ERBIN: variants seen among roughly 807,000 people sequenced by gnomAD.
ERBIN encodes erbb2 interacting protein, also known as densin-180-like protein.
A neutral mutation model predicts 158.4 loss-of-function variants in ERBIN; 60 were observed. That is an observed-to-expected ratio of 0.38 (90% CI 0.31 to 0.47). The LOEUF (loss-of-function observed/expected upper bound fraction) is 0.47, where lower values mean the gene tolerates loss of function less well. ERBIN is among the 20% of genes least tolerant of loss of function. ERBIN has a pLI of 0.99. For synonymous variants in ERBIN, 594 were observed against 557.2 expected (o/e 1.07, Z -0.93); for missense variants, 1,610 against 1,648.0 (o/e 0.98, Z 0.40).
chr5:65,986,678 G>A (rs1018346578), intron 1 of ERBIN, among the ~76,000 whole-genome samples: 1 of 152,228 alleles, frequency 6.6e-6, no homozygotes, highest in African/African-American at 2.4e-5. Flanking sequence ...ACTTTGGAAT[G>A]TGTTGGCTGC....
intron 21 of ERBIN, among the ~76,000 whole-genome samples, chr5:66,063,106 G>C (rs965202813): frequency 1.3e-5 from 2 of 152,210 alleles, no homozygotes; most frequent in Non-Finnish European, 2.9e-5. Context: ...GGTTATTGCT[G>C]TCTTTTGTTT....
chr5:66,002,769 T>G (rs1753134242), intron 4 of ERBIN, among the ~76,000 whole-genome samples: 1 of 152,240 alleles, frequency 6.6e-6, no homozygotes, highest in African/African-American at 2.4e-5. Context: ...TTAAATTGAT[T>G]AAGAGGATAT....
intron 21 of ERBIN, among the ~76,000 whole-genome samples, chr5:66,065,066 A>T (rs934491074): frequency 3.3e-5 from 5 of 152,182 alleles, no homozygotes; most frequent in African/African-American, 9.7e-5. Context: ...GTGGTATAGT[A>T]TAAAAGTTTG....
Position 66,046,335 on chromosome 5 carries a change from A to G in ERBIN, c.1603-18A>G. 1 of 1,405,524 alleles carries G rather than the reference A, an allele frequency of 7.1e-7. No homozygotes were observed. Among genetic ancestry groups the G allele is most frequent in the Admixed American group, 2.2e-5 (1 of 44,732 alleles). 87.1% of individuals were successfully genotyped at this position (1,405,524 alleles called of 1,614,324 possible). On this transcript the variant is annotated intron_variant, in intron 17 of 25. Coordinates refer to ENST00000284037, the MANE Select transcript of ERBIN (RefSeq NM_001253697.2). ...AAAACTTAAAGAATATGAGCTCTTT[A>G]TCTTTTCTTTTACTTAGACCTCAGA... is the stretch of plus-strand genomic sequence containing the variant.
At chr5:65,963,035 A>T (rs1748089619) in intron 1 of ERBIN, among the ~76,000 whole-genome samples, 1 of 152,168 alleles carries the variant, frequency 6.6e-6, no homozygotes, top group Non-Finnish European at 1.5e-5. Context: ...CATTTGTCTC[A>T]TTTGAGTATC....
Position 66,063,061 on chromosome 5 carries a change from CA to C in ERBIN, c.3633+8114del, listed in dbSNP as rs775933868. Reference sequence around the variant, plus strand: ...GTGCTGGGAGAACCACTACTCTCTTCAAAACTGTCAGACAGGGACATTTAAG... The same window carrying C: ...GTGCTGGGAGAACCACTACTCTCTTCAAACTGTCAGACAGGGACATTTAAG... On this transcript the variant is annotated intron_variant, in intron 21 of 25. Transcript: ENST00000284037. 5.3e-5 allele frequency among the ~76,000 whole-genome samples: 8 copies of C among 152,352 alleles called. No individual in the cohort carries two copies. The East Asian group carries it at 1.4e-3, about 26-fold the overall frequency.
At position 65,992,586 on chromosome 5, in the gene ERBIN, G is replaced by T. The variant is rs564140666; in HGVS notation, c.-9-124G>T. On this transcript the variant is annotated intron_variant, in intron 2 of 25. Coordinates refer to ENST00000284037, the MANE Select transcript of ERBIN (RefSeq NM_001253697.2). ...AGCAATGTTAAATGGGTTCCATTGTGCTTGTATAGTGGCAGGAGAAGTGTT... is the reference window on the plus strand; with the variant it reads ...AGCAATGTTAAATGGGTTCCATTGTTCTTGTATAGTGGCAGGAGAAGTGTT... 80 of 654,508 alleles carry T rather than the reference G, an allele frequency of 1.2e-4. No individual in the cohort carries two copies. In the East Asian group the frequency reaches 2.2e-3, roughly 18 times the overall value. The allele number at this position is 654,508 out of a possible 1,614,324, so 40.5% of individuals were successfully genotyped here.
In ERBIN at chr5:66,072,269, T is replaced by G; in HGVS notation, c.3734T>G (p.Val1245Gly). 1 of 1,550,378 alleles carries G rather than the reference T, an allele frequency of 6.5e-7. No individual in the cohort carries two copies. Among genetic ancestry groups the G allele is most frequent in the African/African-American group, 1.4e-5 (1 of 73,166 alleles). Residue 1245 changes from valine to glycine, a missense_variant, in exon 22 of 26, where the codon GTT becomes GGT. Physicochemically the swap from Val to Gly is moderately radical, Grantham distance 109. Coordinates refer to ENST00000284037, the MANE Select transcript of ERBIN (RefSeq NM_001253697.2). Reference protein sequence around the residue: ...YSSATLSHKDVPPDSLMKMPL... With the variant: ...YSSATLSHKDGPPDSLMKMPL... The stretch of plus-strand genomic sequence containing the variant: ...TCAGCCACACTTAGTCACAAAGATG[T>G]TCCTCCAGACAGCTTGATGAAAGTG...
At chr5:65,939,116 T>A (rs1020048160) in intron 1 of ERBIN, among the ~76,000 whole-genome samples, 2 of 152,106 alleles carry the variant, frequency 1.3e-5, no homozygotes, top group African/African-American at 4.8e-5. Context: ...CAATCATGAA[T>A]TGAAAATAAT....
At chr5:66,023,769 G>A (rs868370432) in intron 9 of ERBIN, among the ~76,000 whole-genome samples, 11 of 150,230 alleles carry the variant, frequency 7.3e-5, no homozygotes, top group Admixed American at 2.0e-4. Context: ...TCCGCCTCCT[G>A]GGTTCACACC....
chr5:66,061,695 C>T (rs1031191031), intron 21 of ERBIN, among the ~76,000 whole-genome samples: 42 of 152,166 alleles, frequency 2.8e-4, no homozygotes, highest in Non-Finnish European at 5.6e-4. Context: ...TTGTTCCTTT[C>T]CATGTTTAGT....
At chr5:65,949,010 C>T (rs1324112558) in intron 1 of ERBIN, among the ~76,000 whole-genome samples, 5 of 151,982 alleles carry the variant, frequency 3.3e-5, no homozygotes, top group African/African-American at 7.3e-5. Context: ...GTGATCCATC[C>T]GCCTTGGCCT....
intron 18 of ERBIN, among the ~76,000 whole-genome samples, chr5:66,046,868 G>T (rs925071650): frequency 6.6e-6 from 1 of 152,172 alleles, no homozygotes; most frequent in Non-Finnish European, 1.5e-5. Flanking sequence ...ATCCTTGAAA[G>T]TGAAAGATTT....
intron 4 of ERBIN, among the ~76,000 whole-genome samples, chr5:66,004,336 G>A (rs1753334968): frequency 6.6e-6 from 1 of 152,164 alleles, no homozygotes; most frequent in African/African-American, 2.4e-5. Context: ...ATAGTTGACA[G>A]AGAATTAAGA....
Position 66,054,697 on chromosome 5 carries a change from C to G in ERBIN, c.3379C>G (p.Leu1127Val), listed in dbSNP as rs1759419192. 6.2e-7 allele frequency: 1 copy of G among 1,613,972 alleles called. No homozygotes were observed. The highest frequency in any genetic ancestry group is 1.3e-5 in the African/African-American group (1 of 74,906). ...PPMMPGSQRPLSARTYSIDGP... is the reference protein window; with the variant it reads ...PPMMPGSQRPVSARTYSIDGP... The stretch of plus-strand genomic sequence containing the variant: ...AATGATGCCAGGATCACAGAGACCC[C>G]TTTCTGCACGAACATACAGCATAGA... Residue 1127 changes from leucine to valine, a missense_variant, in exon 21 of 26, where the codon CTT becomes GTT. Around this residue, in one of 2 missense-constraint regions of ERBIN, gnomAD observed 1,014 missense variants for 936.1 expected, o/e 1.08. Transcript: ENST00000284037.
intron 1 of ERBIN, among the ~76,000 whole-genome samples, chr5:65,964,881 A>G (rs1748355944): frequency 6.9e-6 from 1 of 145,312 alleles, no homozygotes; most frequent in East Asian, 2.0e-4. Flanking sequence ...CTGGGACTAC[A>G]GGCGTGGGCC....
At chr5:66,046,316 TAAAG>T in intron 17 of ERBIN, 33 bp from the exon 18 acceptor site, 2 of 1,252,174 alleles carry the variant, frequency 1.6e-6, no homozygotes, top group South Asian at 2.0e-5. Context: ...ATATAAAACT[TAAAG>T]AATATGAGCT....
At chr5:66,030,884 C>T (rs1756799164) in intron 14 of ERBIN, among the ~76,000 whole-genome samples, 1 of 152,118 alleles carries the variant, frequency 6.6e-6, no homozygotes. Flanking sequence ...AGTAGCACTT[C>T]TGTGGATAAA....
chr5:66,049,311 C>G (rs1238516299), intron 19 of ERBIN, among the ~76,000 whole-genome samples: 1 of 152,048 alleles, frequency 6.6e-6, no homozygotes, highest in Non-Finnish European at 1.5e-5. Context: ...TCCTTTCCCT[C>G]ACCCCTCCCC....
Sources: gnomAD v4.1 joint callset for allele counts (sites outside exome capture counted in the v4.1 genomes callset) on GRCh38, gnomAD v4.1.1 for gene constraint, gnomAD v4.1.1 regional missense constraint, MANE v1.5 for transcripts, NCBI Gene and HGNC (gene_info 2026-07-23, HGNC 2026-07-21) for gene names.